Variants in DPF3 observed in about 807,000 individuals in gnomAD.
DPF3 encodes the protein double PHD fingers 3.
In DPF3, 18 loss-of-function variants were observed where a neutral mutation model predicts 56.8. The observed-to-expected ratio is 0.32, with a 90% CI of 0.22 to 0.47. DPF3 has a LOEUF of 0.47. DPF3 is among the 20% of genes least tolerant of loss of function. The pLI is 1.00. For synonymous variants in DPF3, 188 were observed against 180.2 expected (o/e 1.04, Z -0.35); for missense variants, 403 against 488.8 (o/e 0.82, Z 1.65).
In DPF3 at chr14:72,677,647, G is replaced by A. The variant is rs1275953832; in HGVS notation, c.743-3279C>T. 2.0e-5 allele frequency among the ~76,000 whole-genome samples: 3 copies of A among 152,154 alleles called. No individual in the cohort carries two copies. In the East Asian group the frequency reaches 5.8e-4, roughly 29 times the overall value. On this transcript the variant is annotated intron_variant, in intron 7 of 10. Coordinates refer to ENST00000556509, the MANE Select transcript of DPF3 (RefSeq NM_001280542.3). ...GAGTGACTTTAGAGAGGGATGGCAGGGATGTTAGTGGGTGGCACAGTGATG... is the reference window on the plus strand; with the variant it reads ...GAGTGACTTTAGAGAGGGATGGCAGAGATGTTAGTGGGTGGCACAGTGATG...
At chr14:72,661,040 G>T (rs1215570407) in intron 8 of DPF3, 3 of 985,254 alleles carry the variant, frequency 3.0e-6, no homozygotes, top group South Asian at 4.7e-5. Context: ...TTACAGAGAT[G>T]CTATAGGAGC....
intron 4 of DPF3, among the ~76,000 whole-genome samples, chr14:72,728,032 T>C (rs1428177554): frequency 6.6e-6 from 1 of 152,040 alleles, no homozygotes; most frequent in Non-Finnish European, 1.5e-5. Context: ...CAGTGCTGCA[T>C]GAGAAGAACT....
At chr14:72,739,961 C>T (rs2139873059) in intron 3 of DPF3, among the ~76,000 whole-genome samples, 1 of 152,120 alleles carries the variant, frequency 6.6e-6, no homozygotes, top group East Asian at 1.9e-4. Flanking sequence ...GTAATCAGTG[C>T]TTTGGAGGAA....
intron 1 of DPF3, among the ~76,000 whole-genome samples, chr14:72,785,418 TATGTGGCCTTGTTA>T (rs1892170262): frequency 6.6e-6 from 1 of 152,234 alleles, no homozygotes; most frequent in Non-Finnish European, 1.5e-5. Context: ...GCTAAGGATC[TATGTGGCCTTGTTA>T]ATACATTACA....
At chr14:72,856,974 A>T (rs6574100) in intron 1 of DPF3, among the ~76,000 whole-genome samples, 65,246 of 151,832 alleles carry the variant, frequency 0.43, 15,049 homozygotes, top group African/African-American at 0.59. Context: ...TGATTTGTTT[A>T]CCCTTTTTTC....
At chr14:72,791,275 T>C (rs980156562) in intron 1 of DPF3, among the ~76,000 whole-genome samples, 1 of 152,238 alleles carries the variant, frequency 6.6e-6, no homozygotes, top group African/African-American at 2.4e-5. Context: ...CTCTCGGACA[T>C]ATGAGTGCTA....
chr14:72,715,246 A>C (rs1212958183), intron 5 of DPF3, among the ~76,000 whole-genome samples: 6 of 152,156 alleles, frequency 3.9e-5, no homozygotes, highest in Non-Finnish European at 5.9e-5. Context: ...TGAATCTCCC[A>C]GGGTGGCGGT....
chr14:72,692,819 G>T (rs1887747043), intron 7 of DPF3, among the ~76,000 whole-genome samples: 1 of 152,126 alleles, frequency 6.6e-6, no homozygotes, highest in Admixed American at 6.5e-5. Flanking sequence ...TTTCTCTTCT[G>T]CTTAACACTC....
chr14:72,645,386 G>A (rs1473803272), intron 8 of DPF3, among the ~76,000 whole-genome samples: 4 of 151,028 alleles, frequency 2.6e-5, no homozygotes, highest in African/African-American at 7.3e-5. Flanking sequence ...TGCACCTGCC[G>A]CCTCCTTGGC....
At chr14:72,648,266 G>A (rs1885783371) in intron 8 of DPF3, among the ~76,000 whole-genome samples, 1 of 152,134 alleles carries the variant, frequency 6.6e-6, no homozygotes, top group Non-Finnish European at 1.5e-5. Context: ...TAAACAATCA[G>A]AATAAAACTA....
intron 2 of DPF3, 66 bp downstream of exon 2, chr14:72,771,667 T>A: frequency 6.5e-7 from 1 of 1,534,922 alleles, no homozygotes; most frequent in Admixed American, 1.9e-5. Flanking sequence ...CCAGACAAGC[T>A]GCGGTCCTCC....
intron 4 of DPF3, among the ~76,000 whole-genome samples, chr14:72,725,576 C>A (rs1481493404): frequency 6.6e-6 from 1 of 152,046 alleles, no homozygotes; most frequent in African/African-American, 2.4e-5. Flanking sequence ...TAAGATGGAG[C>A]TAGTAAGGGG....
intron 1 of DPF3, among the ~76,000 whole-genome samples, chr14:72,890,501 G>GATAATAATA (rs58089317): frequency 0.017 from 2,510 of 146,520 alleles, 25 homozygotes; most frequent in African/African-American, 0.034. Flanking sequence ...AAAAAATAAT[G>GATAATAATA]ATAATAATAA....
At chr14:72,711,921 G>C (rs1888669233) in intron 6 of DPF3, among the ~76,000 whole-genome samples, 1 of 152,044 alleles carries the variant, frequency 6.6e-6, no homozygotes, top group African/African-American at 2.4e-5. Flanking sequence ...GCCCAGTTTG[G>C]GGGTGGTGGG....
intron 8 of DPF3, among the ~76,000 whole-genome samples, chr14:72,633,641 A>C (rs1306550704): frequency 6.6e-6 from 1 of 152,146 alleles, no homozygotes; most frequent in African/African-American, 2.4e-5. Flanking sequence ...CGAGTGAGGG[A>C]ATGTTGACAG....
At chr14:72,767,577 A>G (rs1891338142) in intron 2 of DPF3, among the ~76,000 whole-genome samples, 1 of 152,140 alleles carries the variant, frequency 6.6e-6, no homozygotes. Context: ...AACTATAGAA[A>G]TCACCCAAGC....
intron 7 of DPF3, among the ~76,000 whole-genome samples, chr14:72,685,221 G>A (rs1179213147): frequency 1.3e-5 from 2 of 152,170 alleles, no homozygotes; most frequent in Non-Finnish European, 2.9e-5. Flanking sequence ...ACATCGGTAG[G>A]ACCATGACAA....
At position 72,633,984 on chromosome 14, in the gene DPF3, T is replaced by C. The variant is rs184621813; in HGVS notation, c.872-4248A>G. ...AGTTTCTGAAACAATCTCATGGCTTTCTCTGTGTTCCCATCTTGAGAAAGT... is the reference window on the plus strand; with the variant it reads ...AGTTTCTGAAACAATCTCATGGCTTCCTCTGTGTTCCCATCTTGAGAAAGT... On this transcript the variant is annotated intron_variant, in intron 8 of 10. Coordinates refer to ENST00000556509, the MANE Select transcript of DPF3 (RefSeq NM_001280542.3). Among the ~76,000 whole-genome samples, 205 of 152,270 alleles carry C rather than the reference T, an allele frequency of 1.3e-3. 1 individual carries two copies. The highest frequency in any genetic ancestry group is 4.7e-3 in the African/African-American group (195 of 41,546).
At chr14:72,661,774 G>A in intron 8 of DPF3, 1 of 984,968 alleles carries the variant, frequency 1.0e-6, no homozygotes, top group South Asian at 4.7e-5. Flanking sequence ...CAGCTCAGCA[G>A]AAGGTTCCCT....
Sources: allele counts gnomAD v4.1 joint callset (sites outside exome capture counted in the v4.1 genomes callset), GRCh38; gene constraint gnomAD v4.1.1; transcripts MANE v1.5; gene names NCBI Gene and HGNC (gene_info 2026-07-23, HGNC 2026-07-21).